The following IQUB variants were observed in gnomAD, a reference collection of about 807,000 sequenced individuals.
IQUB encodes IQ motif and ubiquitin domain containing.
Under a neutral mutation model 86.4 loss-of-function variants are expected in IQUB, and 86 were observed. The observed-to-expected ratio is 1.00, with a 90% CI of 0.84 to 1.19. The LOEUF is 1.19. Ranked by LOEUF, IQUB falls within the 50% of genes most tolerant of loss-of-function variation. IQUB has a pLI of 0.00. For synonymous variants in IQUB, 289 were observed against 304.5 expected, an observed-to-expected ratio of 0.95 and a Z score of 0.53; for missense variants, 946 against 916.9, an observed-to-expected ratio of 1.03 and a Z score of -0.41.
chr7:123,492,616 G>A (rs777278585), intron 7 of IQUB, among the ~76,000 whole-genome samples: 51 of 152,176 alleles, frequency 3.4e-4, no homozygotes, highest in Non-Finnish European at 5.6e-4. Flanking sequence ...CTGCCTGAGC[G>A]GGGAAAGGGT....
intron 1 of IQUB, among the ~76,000 whole-genome samples, chr7:123,529,239 T>A (rs1036476175): frequency 1.3e-5 from 2 of 152,106 alleles, no homozygotes; most frequent in African/African-American, 4.8e-5. Flanking sequence ...TTATATAATA[T>A]ATATACATTT....
intron 1 of IQUB, among the ~76,000 whole-genome samples, chr7:123,534,174 G>A (rs1797658464): frequency 6.6e-6 from 1 of 152,116 alleles, no homozygotes; most frequent in Non-Finnish European, 1.5e-5. Context: ...GCCAGGTGTG[G>A]GTTATACACA....
At chr7:123,528,744 A>G (rs1405315836) in intron 1 of IQUB, among the ~76,000 whole-genome samples, 1 of 152,244 alleles carries the variant, frequency 6.6e-6, no homozygotes, top group Non-Finnish European at 1.5e-5. Flanking sequence ...GCCATCAGAT[A>G]TATTATCAGA....
intron 3 of IQUB, among the ~76,000 whole-genome samples, chr7:123,503,879 A>G (rs929337529): frequency 3.3e-5 from 5 of 152,140 alleles, no homozygotes; most frequent in African/African-American, 1.2e-4. Flanking sequence ...ATTCGGCATT[A>G]TAAATAACAC....
At chr7:123,506,071 C>A (rs574521565) in intron 3 of IQUB, among the ~76,000 whole-genome samples, 1 of 152,282 alleles carries the variant, frequency 6.6e-6, no homozygotes, top group South Asian at 2.1e-4. Context: ...ATCCCTAGAG[C>A]AAGGACACAG....
At chr7:123,483,644 C>G (rs1210751730) in intron 7 of IQUB, among the ~76,000 whole-genome samples, 4 of 152,010 alleles carry the variant, frequency 2.6e-5, no homozygotes, top group Non-Finnish European at 4.4e-5. Flanking sequence ...CCTGCCTCTC[C>G]TTGGCTGGAC....
Position 123,509,934 on chromosome 7 carries a change from T to C in IQUB, c.499A>G (p.Ile167Val). 3 of 1,609,764 alleles carry C rather than the reference T, an allele frequency of 1.9e-6. No homozygotes were observed. Among genetic ancestry groups the C allele is most frequent in the Non-Finnish European group, 2.5e-6 (3 of 1,178,132 alleles). The change falls in exon 3 of 13, where the codon ATC (isoleucine) becomes GTC (valine). Residue 167 changes from isoleucine (I) to valine (V), a missense_variant. Transcript: ENST00000324698. ...CTTATCTGCAGTACAGAATGTGGGA[T>C]ACCTAATAAGTGTGAAAAATGGTCC... ...LKDHFSHLLG[I>V]PHSVLQIRYS...
chr7:123,512,068 A>G lies in IQUB; in HGVS notation c.273T>C (p.Thr91=), dbSNP rs201698538. 35 of 1,614,032 alleles carry G rather than the reference A, an allele frequency of 2.2e-5. No individual in the cohort carries two copies. In the East Asian group the frequency reaches 7.6e-4, roughly 35 times the overall value. ...CATATTGCTTTTCATGATGTTGCGG[A>G]GTATATGAAACTTGTCTTGGTGATA... ...EVISPRQVSY[T]PQHHEKQYAM... Residue 91 remains threonine, a synonymous_variant, in exon 2 of 13, where the codon ACT becomes ACC. Coordinates refer to ENST00000324698, the MANE Select transcript of IQUB (RefSeq NM_178827.5).
chr7:123,512,310 G>A lies in IQUB; in HGVS notation c.31C>T (p.Gln11Ter). The change falls in exon 2 of 13, where the codon CAG (glutamine) becomes TAG (stop). Residue 11 changes from glutamine (Q) to a stop codon, truncating the protein, a stop_gained. Coordinates refer to ENST00000324698, the MANE Select transcript of IQUB (RefSeq NM_178827.5). LOFTEE classifies it high-confidence loss of function. MSNQQEKYEA[Q>*]NIVNSTEESD... ...TCTTCTGTTGAATTGACTATATTCT[G>A]AGCTTCATACTTCTCCTGTTGATTA... 6.3e-7 allele frequency: 1 copy of A among 1,587,784 alleles called. No homozygotes were observed. The highest frequency in any genetic ancestry group is 8.6e-7 in the Non-Finnish European group (1 of 1,160,444).
In IQUB at chr7:123,469,368, AT is replaced by A; in HGVS notation, c.1426del (p.Ile476TyrfsTer32). ...TGTTTTGCCATTAGGGGTTCTCCAT[AT>A]TTTTGGAGCTGAACACTTAAAAATA... ...AFLDKCSAPK[I>X]WRTPNGKTIE... On this transcript the variant is annotated frameshift_variant, in exon 9 of 13. Coordinates refer to ENST00000324698, the MANE Select transcript of IQUB (RefSeq NM_178827.5). LOFTEE classifies it high-confidence loss of function. The A allele has an allele frequency of 6.3e-7, 1 of 1,586,954 alleles. No homozygotes were observed. The highest frequency in any genetic ancestry group is 8.6e-7 in the Non-Finnish European group (1 of 1,167,494).
At chr7:123,493,274 C>A (rs1562854727) in intron 7 of IQUB, among the ~76,000 whole-genome samples, 1 of 152,104 alleles carries the variant, frequency 6.6e-6, no homozygotes, top group Non-Finnish European at 1.5e-5. Flanking sequence ...ACAACCTACC[C>A]ACCCCAACCC....
intron 9 of IQUB, among the ~76,000 whole-genome samples, chr7:123,466,390 T>C (rs1293727439): frequency 6.6e-6 from 1 of 152,174 alleles, no homozygotes; most frequent in African/African-American, 2.4e-5. Context: ...CTATGCACTC[T>C]CTTTTTGCCA....
At chr7:123,518,283 G>A (rs1246170861) in intron 1 of IQUB, among the ~76,000 whole-genome samples, 2 of 151,918 alleles carry the variant, frequency 1.3e-5, no homozygotes, top group African/African-American at 2.4e-5. Flanking sequence ...CTCTTAGCTG[G>A]TTATCTTAAT....
At chr7:123,503,873 G>A (rs534580324) in intron 3 of IQUB, among the ~76,000 whole-genome samples, 14 of 151,770 alleles carry the variant, frequency 9.2e-5, no homozygotes, top group Middle Eastern at 3.4e-3. Flanking sequence ...GAAGGAATTC[G>A]GCATTATAAA....
intron 1 of IQUB, among the ~76,000 whole-genome samples, chr7:123,533,356 T>C (rs1371278862): frequency 6.6e-6 from 1 of 152,240 alleles, no homozygotes. Flanking sequence ...TTTTCTATTA[T>C]AGCCCCAAGA....
chr7:123,457,473 A>C lies in IQUB; in HGVS notation c.2101T>G (p.Trp701Gly). The C allele has an allele frequency of 6.2e-7, 1 of 1,611,656 alleles. No individual in the cohort carries two copies. Residue 701 changes from tryptophan (W) to glycine (G), a missense_variant, in exon 12 of 13, where the codon TGG becomes GGG. Transcript: ENST00000324698. ...GGGGACCACTCCAGGGATTTATTCCATCTGACCATGACCAGATCACTGAGA... is the reference window on the plus strand; with the variant it reads ...GGGGACCACTCCAGGGATTTATTCCCTCTGACCATGACCAGATCACTGAGA... ...DNLSDLVMVR[W>G]NKSLEWSPWN...
At chr7:123,486,392 G>C (rs1795213575) in intron 7 of IQUB, among the ~76,000 whole-genome samples, 2 of 152,026 alleles carry the variant, frequency 1.3e-5, no homozygotes, top group Admixed American at 6.6e-5. Flanking sequence ...TCAATACCCT[G>C]GCACAGAAGT....
intron 3 of IQUB, among the ~76,000 whole-genome samples, chr7:123,508,572 C>T (rs2117241301): frequency 6.6e-6 from 1 of 152,280 alleles, no homozygotes; most frequent in South Asian, 2.1e-4. Context: ...GCCTGTTACC[C>T]AGTGGTGATG....
chr7:123,480,058 T>A, intron 7 of IQUB, 88 bp from the exon 8 acceptor site: 2 of 1,007,258 alleles, frequency 2.0e-6, no homozygotes, highest in Non-Finnish European at 2.9e-6. Context: ...TATTTTTACA[T>A]CAATTTAAAC....
Sources: gnomAD v4.1 joint callset for allele counts (sites outside exome capture counted in the v4.1 genomes callset) on GRCh38, gnomAD v4.1.1 for gene constraint, MANE v1.5 for transcripts, NCBI Gene and HGNC (gene_info 2026-07-23, HGNC 2026-07-21) for gene names.